Variants in ATAD2 observed in about 807,000 individuals in gnomAD.
ATAD2 encodes ATPase family AAA domain-containing protein 2.
Under a neutral mutation model 168.9 loss-of-function variants are expected in ATAD2, and 62 were observed. That is an observed-to-expected ratio of 0.37 (90% CI 0.30 to 0.45). The LOEUF (loss-of-function observed/expected upper bound fraction) is 0.45, where lower values mean the gene tolerates loss of function less well. Ranked by LOEUF, ATAD2 falls within the 20% of genes least tolerant of loss-of-function variation. The probability of loss-of-function intolerance (pLI) is 1.00; values close to 1 mark genes in which losing one functional copy is unlikely to be tolerated. For missense variants in ATAD2, 1,419 were observed against 1,667.8 expected (o/e 0.85, Z 2.60); for synonymous variants, 613 against 571.6 (o/e 1.07, Z -1.03).
chr8:123,401,780 G>T lies in ATAD2; in HGVS notation c.-2281-605C>A, dbSNP rs1336396999. On this transcript the variant is annotated intron_variant, in intron 1 of 28. Transcript: ENST00000521903. ...CCCCAGCGAATAGTTCTCAGATGGGGTGCGGCTCAAGAAATACTGGGGCAC... is the reference window on the plus strand; with the variant it reads ...CCCCAGCGAATAGTTCTCAGATGGGTTGCGGCTCAAGAAATACTGGGGCAC... The T allele has an allele frequency of 1.6e-5, 12 of 751,048 alleles. No individual in the cohort carries two copies. The African/African-American group carries it at 2.0e-4, about 13-fold the overall frequency. The allele number at this position is 751,048 out of a possible 1,614,324, so 46.5% of individuals were successfully genotyped here. A position where few individuals can be genotyped will look rare whatever the true frequency, so the allele number is the denominator to read the frequency against.
chr8:123,325,833 G>A (rs1050963475), intron 26 of ATAD2, 60 bp downstream of exon 26: 7 of 1,577,394 alleles, frequency 4.4e-6, no homozygotes, highest in Non-Finnish European at 5.2e-6. Flanking sequence ...CTAGTCACAA[G>A]CCAGTGTTTG....
upstream of ATAD2, among the ~76,000 whole-genome samples, chr8:123,398,693 C>T (rs891898906): frequency 4.0e-5 from 6 of 151,590 alleles, no homozygotes; most frequent in African/African-American, 4.9e-5. Flanking sequence ...TTTTTAGAGA[C>T]GGGGTCTCAC....
At chr8:123,338,350 G>A (rs190115567) in intron 20 of ATAD2, among the ~76,000 whole-genome samples, 16 of 148,232 alleles carry the variant, frequency 1.1e-4, no homozygotes, top group South Asian at 2.1e-4. Flanking sequence ...GAGAGACTCC[G>A]TCTCAAGGAA....
rs1324749395 is a variant in ATAD2 at position 123,369,146 on chromosome 8, A to G, written c.961T>C (p.Phe321Leu). 1.9e-6 allele frequency: 3 copies of G among 1,577,672 alleles called. No homozygotes were observed. The highest frequency in any genetic ancestry group is 2.3e-5 in the South Asian group (2 of 85,484). Residue 321 changes from phenylalanine to leucine, a missense_variant, in exon 8 of 28, where the codon TTT becomes CTT. Physicochemically the swap from Phe to Leu is conservative, Grantham distance 22. Transcript: ENST00000287394. ...KPRHQRKPNI[F>L]YSGPASPARP... The stretch of plus-strand genomic sequence containing the variant: ...GCAGGAGAAGCTGGGCCACTATAAA[A>G]TATGTTGGGCTTTCTCTGGTGACGA...
intron 1 of ATAD2, among the ~76,000 whole-genome samples, chr8:123,383,245 G>C (rs1319010341): frequency 6.6e-6 from 1 of 152,040 alleles, no homozygotes; most frequent in Non-Finnish European, 1.5e-5. Flanking sequence ...ACCTAACGTA[G>C]ATGACAGGTT....
intron 2 of ATAD2, among the ~76,000 whole-genome samples, chr8:123,376,831 G>A (rs1040664023): frequency 3.3e-5 from 5 of 150,960 alleles, no homozygotes; most frequent in African/African-American, 4.9e-5. Context: ...GGTGGCTCAC[G>A]CCTGTAATCC....
chr8:123,393,658 T>C (rs1005792073), intron 1 of ATAD2, among the ~76,000 whole-genome samples: 1 of 152,142 alleles, frequency 6.6e-6, no homozygotes, highest in South Asian at 2.1e-4. Context: ...GGTTCATGCC[T>C]GTAATCCCAG....
intron 1 of ATAD2, among the ~76,000 whole-genome samples, chr8:123,389,068 G>A (rs1829730361): frequency 6.7e-6 from 1 of 149,844 alleles, no homozygotes; most frequent in East Asian, 2.0e-4. Context: ...CTGGGTTCAC[G>A]CCATTCTCCT....
At chr8:123,332,333 C>G (rs1479828236) in intron 24 of ATAD2, among the ~76,000 whole-genome samples, 1 of 152,032 alleles carries the variant, frequency 6.6e-6, no homozygotes, top group Non-Finnish European at 1.5e-5. Context: ...GAATATCCAC[C>G]AACAGAAGAA....
chr8:123,331,522 G>A (rs548763828), intron 24 of ATAD2, among the ~76,000 whole-genome samples: 1 of 152,228 alleles, frequency 6.6e-6, no homozygotes, highest in South Asian at 2.1e-4. Context: ...TTACAGGCGT[G>A]AGCCACCATG....
At chr8:123,410,765 C>G (rs1343258801) in intron 1 of ATAD2, among the ~76,000 whole-genome samples, 1 of 152,202 alleles carries the variant, frequency 6.6e-6, no homozygotes, top group African/African-American at 2.4e-5. Context: ...CGCTCGCCGT[C>G]CACCACTGCT....
intron 15 of ATAD2, among the ~76,000 whole-genome samples, chr8:123,347,852 G>A (rs1050726080): frequency 1.3e-5 from 2 of 151,886 alleles, no homozygotes; most frequent in African/African-American, 4.8e-5. Flanking sequence ...ACTACAAAAT[G>A]GTCAGTAAAG....
At chr8:123,359,543 A>C (rs1563849480) in intron 10 of ATAD2, 34 bp downstream of exon 10, 1 of 1,529,434 alleles carries the variant, frequency 6.5e-7, no homozygotes, top group Admixed American at 1.9e-5. Flanking sequence ...AGCACATTAT[A>C]GTTCAAGCAT....
At chr8:123,322,190 G>T (rs964543576) in intron 27 of ATAD2, among the ~76,000 whole-genome samples, 10 of 152,070 alleles carry the variant, frequency 6.6e-5, no homozygotes, top group Non-Finnish European at 1.3e-4. Flanking sequence ...GTTTCACCAT[G>T]TTGGCCAGGC....
At chr8:123,415,290 G>A (rs965616238) in intron 1 of ATAD2, among the ~76,000 whole-genome samples, 5 of 152,202 alleles carry the variant, frequency 3.3e-5, no homozygotes, top group Non-Finnish European at 7.3e-5. Context: ...GTTTACCAGA[G>A]TTGTTATATA....
At chr8:123,357,424 GAAAAT>G (rs1481495479) in intron 12 of ATAD2, 133 bp downstream of exon 12, 1 of 870,944 alleles carries the variant, frequency 1.1e-6, no homozygotes, top group Non-Finnish European at 1.6e-6. Context: ...ACATATAAAA[GAAAAT>G]AATCTAGAAA....
chr8:123,379,185 A>G (rs1829415565), intron 2 of ATAD2, among the ~76,000 whole-genome samples: 1 of 152,150 alleles, frequency 6.6e-6, no homozygotes, highest in South Asian at 2.1e-4. Context: ...AATTTAGCCA[A>G]ACTACCTAAT....
At chr8:123,365,672 G>A (rs1244082999) in intron 8 of ATAD2, among the ~76,000 whole-genome samples, 2 of 152,132 alleles carry the variant, frequency 1.3e-5, no homozygotes, top group Non-Finnish European at 1.5e-5. Flanking sequence ...GTGGGGAAAG[G>A]ACACCCTATT....
chr8:123,382,542 T>C (rs901887242), intron 1 of ATAD2, among the ~76,000 whole-genome samples: 5 of 152,234 alleles, frequency 3.3e-5, no homozygotes, highest in Non-Finnish European at 7.3e-5. Flanking sequence ...ATTATCAACT[T>C]TCATATGTAC....
Sources: allele counts gnomAD v4.1 joint callset (sites outside exome capture counted in the v4.1 genomes callset), GRCh38; gene constraint gnomAD v4.1.1; transcripts MANE v1.5; gene names NCBI Gene and HGNC (gene_info 2026-07-23, HGNC 2026-07-21).